PGM1: variants seen among roughly 807,000 people sequenced by gnomAD.
PGM1 encodes phosphoglucomutase 1.
In PGM1, 52 loss-of-function variants were observed where a neutral mutation model predicts 55.6. That is an observed-to-expected ratio of 0.94 (90% CI 0.75 to 1.18). The LOEUF is 1.18. Among genes scored for constraint, PGM1 ranks in the 50% most tolerant of loss-of-function variants. PGM1 has a pLI of 0.00. For missense variants in PGM1, 724 were observed against 729.3 expected (o/e 0.99, Z 0.08); for synonymous variants, 287 against 271.7 (o/e 1.06, Z -0.55).
chr1:63,615,531 C>A (rs999653430), intron 1 of PGM1, among the ~76,000 whole-genome samples: 36 of 137,162 alleles, frequency 2.6e-4, no homozygotes, highest in Non-Finnish European at 4.5e-4. Context: ...CTCACCATTT[C>A]TCTCCTCTTC....
chr1:63,617,214 C>T (rs1557707461), intron 1 of PGM1, among the ~76,000 whole-genome samples: 1 of 152,202 alleles, frequency 6.6e-6, no homozygotes, highest in Non-Finnish European at 1.5e-5. Flanking sequence ...AGTGTTCTCT[C>T]TTCCTTTTCT....
Position 63,651,851 on chromosome 1 carries a change from A to G in PGM1, c.1463A>G (p.Gln488Arg), listed in dbSNP as rs1012503540. ...GTGGATGGAAGCATTTCAAGAAATCAGGTAGAAACAGACCGGTGTGTAAGT... is the reference window on the plus strand; with the variant it reads ...GTGGATGGAAGCATTTCAAGAAATCGGGTAGAAACAGACCGGTGTGTAAGT... ...DPVDGSISRNQGLRLIFTDGS... is the reference protein window; with the variant it reads ...DPVDGSISRNRGLRLIFTDGS... Residue 488 changes from glutamine to arginine, a missense_variant and splice_region_variant, in exon 9 of 11, where the codon CAG becomes CGG. Gln to Arg is a conservative substitution (Grantham distance 43). Transcript: ENST00000371084. 6.8e-6 allele frequency: 11 copies of G among 1,613,278 alleles called. No homozygotes were observed. Among genetic ancestry groups the G allele is most frequent in the South Asian group, 4.4e-5 (4 of 91,064 alleles).
intron 7 of PGM1, among the ~76,000 whole-genome samples, chr1:63,646,351 A>G (rs972137943): frequency 2.6e-5 from 4 of 152,212 alleles, no homozygotes; most frequent in African/African-American, 9.6e-5. Context: ...AGGCAAAAAA[A>G]TGAGAGTTGT....
In PGM1 at chr1:63,593,574, TCC is replaced by T. The variant is rs1570463842; in HGVS notation, c.87_88del (p.Phe29LeufsTer75). On this transcript the variant is annotated frameshift_variant, in exon 1 of 11. Transcript: ENST00000371084. LOFTEE classifies it high-confidence loss of function. ...GGGCTGCGGAAGCGGGTGAAGGTGTTCCAGAGCAGCGCCAACTACGCGGAGAA... is the reference window on the plus strand; with the variant it reads ...GGGCTGCGGAAGCGGGTGAAGGTGTTAGAGCAGCGCCAACTACGCGGAGAA... The T allele has an allele frequency of 6.2e-6, 10 of 1,613,774 alleles. No individual in the cohort carries two copies. The highest frequency in any genetic ancestry group is 8.5e-6 in the Non-Finnish European group (10 of 1,179,918).
rs538147286 is a variant in PGM1, at chr1:63,634,839, G to T, written c.693G>T (p.Pro231=). 6.2e-7 allele frequency: 1 copy of T among 1,612,540 alleles called. No homozygotes were observed. Among genetic ancestry groups the T allele is most frequent in the Non-Finnish European group, 8.5e-7 (1 of 1,179,298 alleles). Residue 231 remains proline (P), a synonymous_variant, in exon 5 of 11, where the codon CCG becomes CCT. Coordinates refer to ENST00000371084, the MANE Select transcript of PGM1 (RefSeq NM_002633.3). The part of the protein sequence containing the change: ...RIDAMHGVVG[P]YVKKILCEEL... ...CCATGCTGTATATAGTTGTGGGACC[G>T]TATGTAAAGAAGATCCTCTGTGAAG...
At chr1:63,604,870 T>G (rs925161115) in intron 1 of PGM1, among the ~76,000 whole-genome samples, 1 of 151,674 alleles carries the variant, frequency 6.6e-6, no homozygotes, top group African/African-American at 2.4e-5. Context: ...CTGTCCCCAC[T>G]ACATAACTAT....
intron 7 of PGM1, among the ~76,000 whole-genome samples, chr1:63,647,280 A>ATATATATG (rs1553122065): frequency 5.5e-5 from 3 of 54,136 alleles, no homozygotes. Context: ...ATATATATAT[A>ATATATATG]TATATATATA....
chr1:63,650,238 T>C (rs1017060386), intron 8 of PGM1, among the ~76,000 whole-genome samples: 2 of 152,216 alleles, frequency 1.3e-5, no homozygotes, highest in Non-Finnish European at 2.9e-5. Flanking sequence ...AAAACAGTTA[T>C]TGATAAGGTA....
intron 5 of PGM1, 73 bp from the exon 6 acceptor site, chr1:63,636,161 C>A: frequency 7.3e-7 from 1 of 1,378,638 alleles, no homozygotes; most frequent in Non-Finnish European, 1.0e-6. Context: ...TTTTATAAAA[C>A]CCCCATGAAA....
At chr1:63,637,563 T>G (rs1649395818) in intron 6 of PGM1, among the ~76,000 whole-genome samples, 1 of 152,256 alleles carries the variant, frequency 6.6e-6, no homozygotes, top group African/African-American at 2.4e-5. Flanking sequence ...GACCTCATTT[T>G]AAGGAAGAGG....
In PGM1 at chr1:63,631,639, T is replaced by C; in HGVS notation, c.557-18T>C. ...TGTGTTTAATCCTTCCATCTTTTGA[T>C]GTTGCTTGTTCTCACAGTGGAAATT... On this transcript the variant is annotated intron_variant, in intron 3 of 10. Transcript: ENST00000371084. The C allele has an allele frequency of 1.2e-6, 2 of 1,610,434 alleles. No homozygotes were observed. The highest frequency in any genetic ancestry group is 2.2e-5 in the South Asian group (2 of 91,014).
chr1:63,639,559 C>G (rs1426779283), intron 7 of PGM1, among the ~76,000 whole-genome samples: 1 of 152,022 alleles, frequency 6.6e-6, no homozygotes, highest in Non-Finnish European at 1.5e-5. Context: ...AGGTGTGTGG[C>G]CCTGTCCCAT....
intron 10 of PGM1, among the ~76,000 whole-genome samples, chr1:63,655,044 C>T (rs943265400): frequency 6.6e-6 from 1 of 150,860 alleles, no homozygotes; most frequent in Admixed American, 6.6e-5. Context: ...TCTCAGCTCA[C>T]TGCAACATCC....
In PGM1 at chr1:63,659,873, C is replaced by T. The variant is rs10909; in HGVS notation, c.*198C>T. On this transcript the variant is annotated 3_prime_UTR_variant, in exon 11 of 11. Coordinates refer to ENST00000371084, the MANE Select transcript of PGM1 (RefSeq NM_002633.3). ...GGAGCTGTGAGGGAAAGAGGACCTG[C>T]GGGCTTAGATCAATCTCAATTCCTT... 89,608 of 645,994 alleles carry T rather than the reference C, an allele frequency of 0.14. 7,661 individuals carry two copies. The highest frequency in any genetic ancestry group is 0.31 in the African/African-American group (17,268 of 55,758). The allele number at this position is 645,994 out of a possible 1,614,324, so 40.0% of individuals were successfully genotyped here. A position where few individuals can be genotyped will look rare whatever the true frequency, so the allele number is the denominator to read the frequency against.
intron 9 of PGM1, among the ~76,000 whole-genome samples, chr1:63,653,102 G>A (rs1056395355): frequency 1.3e-5 from 2 of 152,172 alleles, no homozygotes; most frequent in African/African-American, 4.8e-5. Context: ...GAGGTGTAAA[G>A]GTGTGTATAG....
At chr1:63,606,322 C>T (rs1259513034) in intron 1 of PGM1, among the ~76,000 whole-genome samples, 3 of 152,218 alleles carry the variant, frequency 2.0e-5, no homozygotes, top group African/African-American at 7.2e-5. Flanking sequence ...GGTTTGGCTG[C>T]TGTTAGCAGA....
chr1:63,593,771 G>A (rs573859085), intron 1 of PGM1, 37 bp downstream of exon 1: 4 of 1,553,424 alleles, frequency 2.6e-6, no homozygotes, highest in East Asian at 2.4e-5. Context: ...TGTGCACCCT[G>A]GCGCGTGTGC....
chr1:63,649,327 C>T (rs74079710), intron 8 of PGM1, among the ~76,000 whole-genome samples: 9,113 of 152,096 alleles, frequency 0.06, 946 homozygotes, highest in African/African-American at 0.21. Context: ...GTAATTATTC[C>T]TTATCATGCG....
intron 7 of PGM1, among the ~76,000 whole-genome samples, chr1:63,641,598 G>C (rs1176155600): frequency 6.6e-6 from 1 of 152,172 alleles, no homozygotes; most frequent in Admixed American, 6.5e-5. Flanking sequence ...CCAGGCGATA[G>C]GAGAGACAAT....
Sources: allele counts gnomAD v4.1 joint callset (sites outside exome capture counted in the v4.1 genomes callset), GRCh38; gene constraint gnomAD v4.1.1; transcripts MANE v1.5; gene names NCBI Gene and HGNC (gene_info 2026-07-23, HGNC 2026-07-21).